Variants in CTNNA3 observed in about 807,000 individuals in gnomAD.
CTNNA3 encodes the protein catenin alpha-3.
CTNNA3 carries 76 observed loss-of-function variants against 95.7 expected under a neutral mutation model. That is an observed-to-expected ratio of 0.79 (90% CI 0.66 to 0.96). The LOEUF is 0.96. Ranked by LOEUF, CTNNA3 falls within the 40% of genes least tolerant of loss-of-function variation. CTNNA3 has a pLI of 0.00. For missense variants in CTNNA3, 1,191 were observed against 1,089.8 expected, an observed-to-expected ratio of 1.09 and a Z score of -1.31; for synonymous variants, 431 against 374.4, an observed-to-expected ratio of 1.15 and a Z score of -1.74.
At chr10:66,729,015 C>A (rs35498856) in intron 9 of CTNNA3, among the ~76,000 whole-genome samples, 3,420 of 152,230 alleles carry the variant, frequency 0.022, 150 homozygotes, top group East Asian at 0.2. Flanking sequence ...GAGTCCTTTC[C>A]CCATTACTTG....
intron 12 of CTNNA3, among the ~76,000 whole-genome samples, chr10:66,308,306 CTTTG>C (rs942571205): frequency 1.6e-4 from 24 of 152,240 alleles, no homozygotes; most frequent in African/African-American, 5.8e-4. Context: ...AACTTTTTCT[CTTTG>C]TTCTGCAAAT....
At chr10:67,245,420 G>T (rs533824948) in intron 5 of CTNNA3, among the ~76,000 whole-genome samples, 2 of 152,066 alleles carry the variant, frequency 1.3e-5, no homozygotes, top group African/African-American at 4.8e-5. Flanking sequence ...CCAGTGGAAC[G>T]TAAGCTCCAT....
chr10:67,418,379 G>C (rs1004205252), intron 5 of CTNNA3, among the ~76,000 whole-genome samples: 3 of 151,992 alleles, frequency 2.0e-5, no homozygotes, highest in African/African-American at 7.2e-5. Flanking sequence ...TTTTGTCAAA[G>C]AGATCTGCAT....
At chr10:66,741,234 G>C (rs1386147088) in intron 9 of CTNNA3, among the ~76,000 whole-genome samples, 1 of 152,092 alleles carries the variant, frequency 6.6e-6, no homozygotes, top group Non-Finnish European at 1.5e-5. Context: ...GCTTTTTCTG[G>C]GTTATGATAG....
rs375656251 is a variant in CTNNA3 at position 66,950,539 on chromosome 10, T to A, written c.1048-175015A>T. Among the ~76,000 whole-genome samples, 9 of 152,116 alleles carry A rather than the reference T, an allele frequency of 5.9e-5. 1 individual carries two copies. The highest frequency in any genetic ancestry group is 3.8e-4 in the East Asian group (2 of 5,198). ...TTCCCTATCTTTGTCAAAATATGTA[T>A]GATATTTGAGATTTAGTTCATATCA... On this transcript the variant is annotated intron_variant, in intron 7 of 17. Coordinates refer to ENST00000433211, the MANE Select transcript of CTNNA3 (RefSeq NM_013266.4).
intron 15 of CTNNA3, among the ~76,000 whole-genome samples, chr10:66,016,265 T>C (rs1436455768): frequency 6.6e-6 from 1 of 152,190 alleles, no homozygotes; most frequent in Non-Finnish European, 1.5e-5. Context: ...TTTGTACCAT[T>C]CAGAAAGACA....
At position 67,287,043 on chromosome 10, in the gene CTNNA3, G is replaced by GA. The variant is rs374496834; in HGVS notation, c.580-67174dup. 4.7e-3 allele frequency among the ~76,000 whole-genome samples: 710 copies of GA among 152,134 alleles called. 7 individuals are homozygous for GA. The highest frequency in any genetic ancestry group is 0.016 in the African/African-American group (672 of 41,506). The stretch of plus-strand genomic sequence containing the variant: ...AGCGACTCCATGGTGACTGGAACAT[G>GA]AAAAAACATGCTGGGCCCGAGCGCG... On this transcript the variant is annotated intron_variant, in intron 5 of 17. Transcript: ENST00000433211.
chr10:67,543,655 T>C (rs1344787683), intron 3 of CTNNA3, among the ~76,000 whole-genome samples: 1 of 152,158 alleles, frequency 6.6e-6, no homozygotes, highest in African/African-American at 2.4e-5. Flanking sequence ...TTCTAATATA[T>C]GCATCTGTCC....
At chr10:66,515,333 C>CTT (rs1840807883) in intron 11 of CTNNA3, among the ~76,000 whole-genome samples, 1 of 145,154 alleles carries the variant, frequency 6.9e-6, no homozygotes, top group African/African-American at 2.6e-5. Flanking sequence ...CTCTCTGTCT[C>CTT]TCTCTCTCTC....
intron 7 of CTNNA3, among the ~76,000 whole-genome samples, chr10:67,097,141 A>T (rs1029977660): frequency 1.3e-5 from 2 of 151,942 alleles, no homozygotes; most frequent in Admixed American, 1.3e-4. Context: ...CTAGTTAAAG[A>T]AGTGGGTGGT....
At chr10:67,058,820 G>T (rs1277237887) in intron 7 of CTNNA3, among the ~76,000 whole-genome samples, 2 of 152,050 alleles carry the variant, frequency 1.3e-5, no homozygotes, top group Non-Finnish European at 2.9e-5. Flanking sequence ...TGAGTTCTAG[G>T]CTGTTTTCTA....
intron 5 of CTNNA3, among the ~76,000 whole-genome samples, chr10:67,231,569 T>C (rs1050393212): frequency 2.6e-5 from 4 of 152,000 alleles, no homozygotes; most frequent in African/African-American, 9.7e-5. Flanking sequence ...ACCACAAAGA[T>C]GTGGAAAAAA....
At chr10:66,490,095 A>G (rs1045630202) in intron 11 of CTNNA3, among the ~76,000 whole-genome samples, 1 of 152,208 alleles carries the variant, frequency 6.6e-6, no homozygotes, top group Non-Finnish European at 1.5e-5. Context: ...ATGGATAAAC[A>G]TATCTATTCA....
chr10:67,699,074 G>A (rs1433419143), upstream of CTNNA3, among the ~76,000 whole-genome samples: 1 of 151,992 alleles, frequency 6.6e-6, no homozygotes, highest in Non-Finnish European at 1.5e-5. Flanking sequence ...AATCTCTCTT[G>A]TGTGCTGGAT....
At position 67,233,047 on chromosome 10, in the gene CTNNA3, C is replaced by T. The variant is rs552061758; in HGVS notation, c.580-13177G>A. Reference sequence around the variant, plus strand: ...TGACCTACAAAGAGACTTAGACTCCCACACAATAATAATGCGAGACTTTAA... The same window carrying T: ...TGACCTACAAAGAGACTTAGACTCCTACACAATAATAATGCGAGACTTTAA... On this transcript the variant is annotated intron_variant, in intron 5 of 17. Coordinates refer to ENST00000433211, the MANE Select transcript of CTNNA3 (RefSeq NM_013266.4). 3.7e-3 allele frequency among the ~76,000 whole-genome samples: 560 copies of T among 152,266 alleles called. 2 individuals are homozygous for T. Among genetic ancestry groups the T allele is most frequent in the South Asian group, 0.019 (90 of 4,814 alleles).
At chr10:66,483,447 C>A (rs1424635223) in intron 11 of CTNNA3, among the ~76,000 whole-genome samples, 1 of 151,728 alleles carries the variant, frequency 6.6e-6, no homozygotes, top group African/African-American at 2.4e-5. Context: ...GAATTGAGGG[C>A]AAAATAAAAA....
In CTNNA3 at chr10:67,365,010, C is replaced by G. The variant is rs553835424; in HGVS notation, c.580-145140G>C. On this transcript the variant is annotated intron_variant, in intron 5 of 17. Coordinates refer to ENST00000433211, the MANE Select transcript of CTNNA3 (RefSeq NM_013266.4). ...CTACAGTAACCAAAACAGCATGGTA[C>G]TGGTACCAAAACAGAAGCATAGACC... Among the ~76,000 whole-genome samples, 30 of 152,274 alleles carry G rather than the reference C, an allele frequency of 2.0e-4. No individual in the cohort carries two copies. In the East Asian group the frequency reaches 4.8e-3, roughly 25 times the overall value.
At chr10:67,107,882 T>A (rs1284675404) in intron 7 of CTNNA3, among the ~76,000 whole-genome samples, 1 of 152,138 alleles carries the variant, frequency 6.6e-6, no homozygotes, top group Non-Finnish European at 1.5e-5. Flanking sequence ...AACTTGGGAT[T>A]CAAGCGGCCA....
intron 10 of CTNNA3, among the ~76,000 whole-genome samples, chr10:66,531,570 A>C (rs1346184931): frequency 6.6e-6 from 1 of 152,188 alleles, no homozygotes; most frequent in South Asian, 2.1e-4. Flanking sequence ...ATAATTTGAA[A>C]ATAAAATACA....
Sources: allele counts gnomAD v4.1 joint callset (sites outside exome capture counted in the v4.1 genomes callset), GRCh38; gene constraint gnomAD v4.1.1; transcripts MANE v1.5; gene names NCBI Gene and HGNC (gene_info 2026-07-23, HGNC 2026-07-21).